ANGPT4: variants seen among roughly 807,000 people sequenced by gnomAD.
ANGPT4 encodes the protein angiopoietin 4.
Under a neutral mutation model 53.0 loss-of-function variants are expected in ANGPT4, and 50 were observed. That is an observed-to-expected ratio of 0.94 (90% CI 0.75 to 1.20). The LOEUF (loss-of-function observed/expected upper bound fraction) is 1.20. Among genes scored for constraint, ANGPT4 ranks in the 50% most tolerant of loss-of-function variants. The pLI, the probability that ANGPT4 is intolerant of heterozygous loss-of-function variation, is 0.00. For missense variants in ANGPT4, 648 were observed against 637.1 expected, an observed-to-expected ratio of 1.02 and a Z score of -0.18; for synonymous variants, 251 against 259.7, an observed-to-expected ratio of 0.97 and a Z score of 0.32.
At position 874,475 on chromosome 20, in the gene ANGPT4, G is replaced by A. The variant is rs888648905; in HGVS notation, c.1221-61C>T. 68 of 1,594,526 alleles carry A rather than the reference G, an allele frequency of 4.3e-5. 1 individual carries two copies. The South Asian group carries it at 5.6e-4, about 13-fold the overall frequency. The stretch of plus-strand genomic sequence containing the variant: ...CCCAGAGTCAGGTTGGGGCTGTGTC[G>A]AGCAAGAACTTCCCCAGTGGCTTTG... On this transcript the variant is annotated intron_variant, in intron 7 of 8. Transcript: ENST00000381922.
chr20:896,074 C>G (rs1184101554), intron 1 of ANGPT4, among the ~76,000 whole-genome samples: 1 of 152,060 alleles, frequency 6.6e-6, no homozygotes, highest in Non-Finnish European at 1.5e-5. Flanking sequence ...AAACAACGCC[C>G]CCAACACAAG....
At chr20:909,786 C>T (rs563779015) in intron 1 of ANGPT4, among the ~76,000 whole-genome samples, 3 of 152,328 alleles carry the variant, frequency 2.0e-5, no homozygotes, top group South Asian at 2.1e-4. Flanking sequence ...GGCCTACACT[C>T]GGCTTCTGTG....
At position 890,354 on chromosome 20, in the gene ANGPT4, G is replaced by T; in HGVS notation, c.324C>A (p.Ile108=). 1 of 1,603,516 alleles carries T rather than the reference G, an allele frequency of 6.2e-7. No individual in the cohort carries two copies. The change falls in exon 2 of 9, where the codon ATC becomes ATA. Residue 108 remains isoleucine, a synonymous_variant. Coordinates refer to ENST00000381922, the MANE Select transcript of ANGPT4 (RefSeq NM_015985.4). ...CCAGCTTCGACCTCAAGATCGTCTT[G>T]ATGGCCCTCTCTAGCTGTGGGAGAC... is the stretch of plus-strand genomic sequence containing the variant. ...TQWLKKLERA[I]KTILRSKLEQ... is the part of the protein sequence containing the mutation.
In ANGPT4 at chr20:908,196, T is replaced by A. The variant is rs1255531939; in HGVS notation, c.309+7710A>T. Among the ~76,000 whole-genome samples, 1 of 151,998 alleles carries A rather than the reference T, an allele frequency of 6.6e-6. No homozygotes were observed. The highest frequency in any genetic ancestry group is 2.4e-5 in the African/African-American group (1 of 41,348). On this transcript the variant is annotated intron_variant, in intron 1 of 8. Coordinates refer to ENST00000381922, the MANE Select transcript of ANGPT4 (RefSeq NM_015985.4). This position sits in a 1 kb window ranked among gnomAD's most constrained non-coding sequence, Gnocchi z 4.9. Reference sequence around the variant, plus strand: ...AGGACAGGACAGAAAAGTGGCCACATCTCTTCCCAGTCTCCATGGTCCTCC... The same window carrying A: ...AGGACAGGACAGAAAAGTGGCCACAACTCTTCCCAGTCTCCATGGTCCTCC...
At chr20:873,263 G>A (rs1157622100) in intron 8 of ANGPT4, 143 bp from the exon 9 acceptor site, 16 of 710,008 alleles carry the variant, frequency 2.3e-5, no homozygotes, top group South Asian at 1.8e-4. Context: ...GGATGGGGCT[G>A]GGTGGGAGTG....
intron 1 of ANGPT4, among the ~76,000 whole-genome samples, chr20:890,686 C>G (rs545070515): frequency 6.6e-6 from 1 of 152,212 alleles, no homozygotes; most frequent in East Asian, 1.9e-4. Context: ...CAAAATCTTT[C>G]CAGGGTTCCT....
chr20:902,406 G>A (rs1982321322), intron 1 of ANGPT4, among the ~76,000 whole-genome samples: 1 of 152,032 alleles, frequency 6.6e-6, no homozygotes, highest in Admixed American at 6.6e-5. Context: ...GTGGTAGTGA[G>A]TATATGCCAC....
chr20:872,934 G>T lies in ANGPT4; in HGVS notation c.*26C>A, dbSNP rs1441082979. ...TGCCAAGTCCGAGCTTCTCCTGTGTGGTCCAGCCTCTGGCACAGCTGCTCG... is the reference window on the plus strand; with the variant it reads ...TGCCAAGTCCGAGCTTCTCCTGTGTTGTCCAGCCTCTGGCACAGCTGCTCG... On this transcript the variant is annotated 3_prime_UTR_variant, in exon 9 of 9. Coordinates refer to ENST00000381922, the MANE Select transcript of ANGPT4 (RefSeq NM_015985.4). The T allele has an allele frequency of 6.2e-7, 1 of 1,613,146 alleles. No individual in the cohort carries two copies. Among genetic ancestry groups the T allele is most frequent in the African/African-American group, 1.3e-5 (1 of 75,058 alleles).
intron 1 of ANGPT4, among the ~76,000 whole-genome samples, chr20:900,863 G>A (rs1982256591): frequency 6.6e-6 from 1 of 151,522 alleles, no homozygotes; most frequent in African/African-American, 2.4e-5. Flanking sequence ...TCAATTCTTG[G>A]TCCTTTAATA....
At position 881,286 on chromosome 20, in the gene ANGPT4, G is replaced by T. The variant is rs551030827; in HGVS notation, c.836C>A (p.Ala279Asp). ...VQERANASAP[A>D]FIMAGEQVFQ... ...CACCTGCTCACCTGCCATTATGAAG[G>T]CTGCAAAGGGACAACACAAAAGTCA... The change falls in exon 5 of 9, where the codon GCC (alanine) becomes GAC (aspartate). Residue 279 changes from alanine (A) to aspartate (D), a missense_variant and splice_region_variant. By Grantham distance (126) the Ala-to-Asp change is moderately radical. Coordinates refer to ENST00000381922, the MANE Select transcript of ANGPT4 (RefSeq NM_015985.4). The T allele has an allele frequency of 2.0e-5, 32 of 1,613,988 alleles. No homozygotes were observed. In the East Asian group the frequency reaches 6.9e-4, roughly 35 times the overall value.
chr20:885,083 G>A lies in ANGPT4; in HGVS notation c.830C>T (p.Ala277Val), dbSNP rs1477883616. The change falls in exon 4 of 9, where the codon GCC becomes GTC. Residue 277 changes from alanine to valine, a missense_variant. Physicochemically the swap from Ala to Val is moderately conservative, Grantham distance 64. Coordinates refer to ENST00000381922, the MANE Select transcript of ANGPT4 (RefSeq NM_015985.4). ...HLVQERANAS[A>V]PAFIMAGEQV... ...GGCGCACACCGCTCACTCACCCGGGGCCGAGGCGTTAGCCCTTTCTTGCAC... is the reference window on the plus strand; with the variant it reads ...GGCGCACACCGCTCACTCACCCGGGACCGAGGCGTTAGCCCTTTCTTGCAC... 9 of 1,613,666 alleles carry A rather than the reference G, an allele frequency of 5.6e-6. No homozygotes were observed. The highest frequency in any genetic ancestry group is 7.6e-6 in the Non-Finnish European group (9 of 1,179,918).
intron 1 of ANGPT4, among the ~76,000 whole-genome samples, chr20:904,096 TTTTATTTTTCGAATGGG>T: frequency 6.6e-6 from 1 of 152,356 alleles, no homozygotes; most frequent in Non-Finnish European, 1.5e-5. Flanking sequence ...ATCTTTGTAA[TTTTATTTTTCGAATGGG>T]TGATATAAAC....
chr20:887,219 G>A (rs1981649575), intron 3 of ANGPT4, among the ~76,000 whole-genome samples: 1 of 152,324 alleles, frequency 6.6e-6, no homozygotes, highest in Middle Eastern at 3.4e-3. Flanking sequence ...CAGGAAAAGA[G>A]AGAATTGGGG....
At chr20:892,103 C>G (rs1220225414) in intron 1 of ANGPT4, among the ~76,000 whole-genome samples, 3 of 151,288 alleles carry the variant, frequency 2.0e-5, no homozygotes, top group African/African-American at 7.3e-5. Flanking sequence ...CCCTGCAGCA[C>G]ACAAACATGC....
chr20:889,582 A>G (rs949980863), intron 2 of ANGPT4, among the ~76,000 whole-genome samples: 1 of 152,220 alleles, frequency 6.6e-6, no homozygotes, highest in African/African-American at 2.4e-5. Context: ...TGACTGGAAC[A>G]TTAAGCAGTG....
chr20:890,319 T>G lies in ANGPT4; in HGVS notation c.359A>C (p.Gln120Pro). Residue 120 changes from glutamine to proline, a missense_variant, in exon 2 of 9, where the codon CAG becomes CCG. Gln to Pro is a moderately conservative substitution (Grantham distance 76). Transcript: ENST00000381922. ...TILRSKLEQV[Q>P]QQMAQNQTAP... ...CGTCTGATTCTGGGCCATTTGCTGC[T>G]GGACCTGCTCCAGCTTCGACCTCAA... 6.8e-6 allele frequency: 11 copies of G among 1,612,940 alleles called. No individual in the cohort carries two copies. Among genetic ancestry groups the G allele is most frequent in the Non-Finnish European group, 9.3e-6 (11 of 1,179,554 alleles).
At chr20:886,365 GA>G (rs1434419523) in intron 3 of ANGPT4, among the ~76,000 whole-genome samples, 5 of 152,070 alleles carry the variant, frequency 3.3e-5, no homozygotes, top group African/African-American at 1.2e-4. Flanking sequence ...TAAAGGTGGA[GA>G]AAAAAATGAG....
At position 881,300 on chromosome 20, in the gene ANGPT4, A is replaced by G. The variant is rs776758325; in HGVS notation, c.836-14T>C. On this transcript the variant is annotated splice_polypyrimidine_tract_variant and intron_variant, in intron 4 of 8. Coordinates refer to ENST00000381922, the MANE Select transcript of ANGPT4 (RefSeq NM_015985.4). Reference sequence around the variant, plus strand: ...CCATTATGAAGGCTGCAAAGGGACAACACAAAAGTCAGTTGGAGGTGGGCA... The same window carrying G: ...CCATTATGAAGGCTGCAAAGGGACAGCACAAAAGTCAGTTGGAGGTGGGCA... 4 of 1,612,464 alleles carry G rather than the reference A, an allele frequency of 2.5e-6. No homozygotes were observed. The highest frequency in any genetic ancestry group is 3.4e-6 in the Non-Finnish European group (4 of 1,178,468).
intron 2 of ANGPT4, among the ~76,000 whole-genome samples, chr20:889,269 G>A (rs1267402997): frequency 1.3e-5 from 2 of 150,844 alleles, no homozygotes; most frequent in Non-Finnish European, 2.9e-5. Context: ...GCAGACATGT[G>A]TTGCTTAATG....
Sources: allele counts gnomAD v4.1 joint callset (sites outside exome capture counted in the v4.1 genomes callset), GRCh38; gene constraint gnomAD v4.1.1; non-coding constraint Gnocchi (gnomAD v3.1); transcripts MANE v1.5; gene names NCBI Gene and HGNC (gene_info 2026-07-23, HGNC 2026-07-21).